SAE1: variants seen among roughly 807,000 people sequenced by gnomAD.
The protein encoded by SAE1 is SUMO-activating enzyme subunit 1.
In SAE1, 11 loss-of-function variants were observed where a neutral mutation model predicts 40.6. That is an observed-to-expected ratio of 0.27 (90% CI 0.17 to 0.45). The LOEUF is 0.45. Ranked by LOEUF, SAE1 falls within the 20% of genes least tolerant of loss-of-function variation. SAE1 has a pLI of 1.00. For missense variants in SAE1, 373 were observed against 427.3 expected (o/e 0.87, Z 1.12); for synonymous variants, 155 against 154.3 (o/e 1.00, Z -0.03).
In SAE1 at chr19:47,150,103, G is replaced by A. The variant is rs967858812; in HGVS notation, c.211-99G>A. 69 of 766,984 alleles carry A rather than the reference G, an allele frequency of 9.0e-5. 1 individual carries two copies. The highest frequency in any genetic ancestry group is 7.3e-4 in the South Asian group (28 of 38,130). The allele number at this position is 766,984 out of a possible 1,614,324, so 47.5% of individuals were successfully genotyped here. On this transcript the variant is annotated intron_variant, in intron 2 of 8. Transcript: ENST00000270225. ...AAAAAAAAAAAAAAAAAATTTAGGT[G>A]GTAGGTATTTTAGCTATCCTTTAAA... is the stretch of plus-strand genomic sequence containing the variant.
At position 47,155,166 on chromosome 19, in the gene SAE1, A is replaced by G. The variant is rs1023537834; in HGVS notation, c.580A>G (p.Thr194Ala). 6.2e-7 allele frequency: 1 copy of G among 1,614,126 alleles called. No individual in the cohort carries two copies. The highest frequency in any genetic ancestry group is 1.3e-5 in the African/African-American group (1 of 75,042). The change falls in exon 5 of 9, where the codon ACC (threonine) becomes GCC (alanine). Residue 194 changes from threonine to alanine, a missense_variant. Coordinates refer to ENST00000270225, the MANE Select transcript of SAE1 (RefSeq NM_005500.3). ...VSQGVEDGPD[T>A]KRAKLDSSET... ...CCAAGGAGTAGAAGATGGGCCCGAC[A>G]CCAAGAGAGCAAAACTTGATTCTTC...
chr19:47,132,580 T>C lies in SAE1; in HGVS notation c.98+1552T>C, dbSNP rs115455465. ...GCATGAGCTACCATGCCTGGCCTCA[T>C]TGATCAATATTTTTACTTAGCCTGG... On this transcript the variant is annotated intron_variant, in intron 1 of 8. Transcript: ENST00000270225. Among the ~76,000 whole-genome samples the C allele has an allele frequency of 7.4e-3, 1,123 of 151,848 alleles. 8 individuals are homozygous for C. Among genetic ancestry groups the C allele is most frequent in the African/African-American group, 0.024 (997 of 41,434 alleles).
chr19:47,175,103 C>G (rs2058460942), intron 6 of SAE1, among the ~76,000 whole-genome samples: 1 of 132,866 alleles, frequency 7.5e-6, no homozygotes, highest in East Asian at 2.2e-4. Context: ...TAAAAGTGGC[C>G]TTGATTTTTT....
At chr19:47,155,918 T>G (rs1056364017) in intron 5 of SAE1, among the ~76,000 whole-genome samples, 2 of 151,316 alleles carry the variant, frequency 1.3e-5, no homozygotes, top group Admixed American at 1.3e-4. Flanking sequence ...TTTTTGTATT[T>G]TTAGTAGAGA....
chr19:47,169,669 A>G, intron 5 of SAE1, 149 bp from the exon 6 acceptor site: 1 of 654,992 alleles, frequency 1.5e-6, no homozygotes, highest in Non-Finnish European at 2.7e-6. Flanking sequence ...AGTGTTCAAT[A>G]AGCATTTCTT....
chr19:47,162,588 C>T (rs1413507809), intron 5 of SAE1, among the ~76,000 whole-genome samples: 3 of 152,136 alleles, frequency 2.0e-5, no homozygotes, highest in African/African-American at 7.2e-5. Context: ...CTTGGTCCCT[C>T]TACCCTCCCC....
intron 1 of SAE1, among the ~76,000 whole-genome samples, chr19:47,143,108 G>C (rs576601326): frequency 6.6e-6 from 1 of 151,604 alleles, no homozygotes; most frequent in Non-Finnish European, 1.5e-5. Flanking sequence ...GAACCAAAAT[G>C]ATTTTTTTTT....
intron 6 of SAE1, among the ~76,000 whole-genome samples, chr19:47,183,157 C>T (rs2058521970): frequency 6.6e-6 from 1 of 152,080 alleles, no homozygotes; most frequent in Non-Finnish European, 1.5e-5. Context: ...CTCAGGTGAT[C>T]CACCCACCTT....
intron 6 of SAE1, among the ~76,000 whole-genome samples, chr19:47,174,033 C>G (rs2058452415): frequency 6.6e-6 from 1 of 152,066 alleles, no homozygotes; most frequent in Non-Finnish European, 1.5e-5. Context: ...ATCCACCCGC[C>G]TCGGCCTCCC....
chr19:47,161,130 A>G (rs1332845004), intron 5 of SAE1, among the ~76,000 whole-genome samples: 1 of 151,704 alleles, frequency 6.6e-6, no homozygotes, highest in African/African-American at 2.4e-5. Context: ...CTCAGTCTCC[A>G]AGGTAGCTGG....
At chr19:47,167,465 C>T (rs1005511242) in intron 5 of SAE1, among the ~76,000 whole-genome samples, 5 of 151,934 alleles carry the variant, frequency 3.3e-5, no homozygotes, top group Non-Finnish European at 7.4e-5. Flanking sequence ...TGGTCTCGAT[C>T]TCCTGACCTT....
chr19:47,183,920 AAC>A (rs1224497998), intron 6 of SAE1, among the ~76,000 whole-genome samples: 1 of 152,218 alleles, frequency 6.6e-6, no homozygotes, highest in Admixed American at 6.5e-5. Flanking sequence ...GCTCTGTCAG[AAC>A]AGTTCTGTGA....
At chr19:47,192,144 CA>C (rs1256942130) in intron 6 of SAE1, among the ~76,000 whole-genome samples, 1 of 152,020 alleles carries the variant, frequency 6.6e-6, no homozygotes, top group African/African-American at 2.4e-5. Flanking sequence ...ATGTGTCAGG[CA>C]CTATACTAAA....
At chr19:47,162,168 T>A (rs1469385171) in intron 5 of SAE1, among the ~76,000 whole-genome samples, 1 of 152,188 alleles carries the variant, frequency 6.6e-6, no homozygotes, top group Non-Finnish European at 1.5e-5. Context: ...GGTTTTTGTT[T>A]TGTTTTTATT....
chr19:47,158,860 C>T (rs2058340126), intron 5 of SAE1, among the ~76,000 whole-genome samples: 1 of 152,138 alleles, frequency 6.6e-6, no homozygotes, highest in African/African-American at 2.4e-5. Flanking sequence ...CATAGGCTCA[C>T]CCTATGATTT....
intron 6 of SAE1, chr19:47,180,377 CAAG>C (rs1249370854): frequency 5.0e-6 from 2 of 396,824 alleles, no homozygotes; most frequent in Non-Finnish European, 1.0e-5. Context: ...GTCAAAAGAA[CAAG>C]AAGAATAATC....
chr19:47,141,280 G>A (rs2058220229), intron 1 of SAE1, among the ~76,000 whole-genome samples: 1 of 152,166 alleles, frequency 6.6e-6, no homozygotes, highest in African/African-American at 2.4e-5. Flanking sequence ...GGGATTACAG[G>A]CGTGAGCCCC....
intron 2 of SAE1, among the ~76,000 whole-genome samples, chr19:47,148,696 C>T (rs756169706): frequency 2.6e-5 from 4 of 151,308 alleles, no homozygotes; most frequent in East Asian, 2.0e-4. Context: ...CTCAATGCAG[C>T]GTCTGCCTCC....
chr19:47,152,466 C>T (rs1424104812), intron 3 of SAE1, among the ~76,000 whole-genome samples: 1 of 152,150 alleles, frequency 6.6e-6, no homozygotes, highest in Non-Finnish European at 1.5e-5. Flanking sequence ...GGGTAAAAAG[C>T]CCTTGTATTT....
Sources: gnomAD v4.1 joint callset for allele counts (sites outside exome capture counted in the v4.1 genomes callset) on GRCh38, gnomAD v4.1.1 for gene constraint, MANE v1.5 for transcripts, NCBI Gene and HGNC (gene_info 2026-07-23, HGNC 2026-07-21) for gene names.